SLC24A3: variants seen among roughly 807,000 people sequenced by gnomAD.
SLC24A3 encodes sodium/potassium/calcium exchanger 3.
A neutral mutation model predicts 75.8 loss-of-function variants in SLC24A3; 28 were observed. That is an observed-to-expected ratio of 0.37 (90% CI 0.27 to 0.51). The LOEUF (loss-of-function observed/expected upper bound fraction) is 0.51, where lower values mean the gene tolerates loss of function less well. Among genes scored for constraint, SLC24A3 ranks in the 20% least tolerant of loss-of-function variants. The probability of loss-of-function intolerance (pLI) is 0.94; values close to 1 mark genes in which losing one functional copy is unlikely to be tolerated. For missense variants in SLC24A3, 663 were observed against 847.8 expected, an observed-to-expected ratio of 0.78 and a Z score of 2.71; for synonymous variants, 372 against 334.1, an observed-to-expected ratio of 1.11 and a Z score of -1.24.
chr20:19,714,228 T>G (rs569826028), intron 15 of SLC24A3, among the ~76,000 whole-genome samples: 11 of 151,852 alleles, frequency 7.2e-5, no homozygotes, highest in African/African-American at 2.2e-4. Context: ...CATAGCAAGA[T>G]CCTATCTTTA....
chr20:19,475,059 C>T (rs61418029), intron 2 of SLC24A3, among the ~76,000 whole-genome samples: 3,466 of 152,288 alleles, frequency 0.023, 149 homozygotes, highest in African/African-American at 0.077. Context: ...CACATCCAGG[C>T]TGGGCGCGGT....
rs549659599 is a variant in SLC24A3, at chr20:19,346,453, A to G, written c.271+65366A>G. Among the ~76,000 whole-genome samples the G allele has an allele frequency of 2.7e-5, 4 of 150,176 alleles. No individual in the cohort carries two copies. The South Asian group carries it at 8.4e-4, about 32-fold the overall frequency. ...TATATGGTGTATATATACACACACC[A>G]TATACCATGGAATACTACTCAGCCA... On this transcript the variant is annotated intron_variant, in intron 2 of 16. Transcript: ENST00000328041.
intron 2 of SLC24A3, among the ~76,000 whole-genome samples, chr20:19,323,523 C>T (rs1212119397): frequency 6.6e-6 from 1 of 152,128 alleles, no homozygotes; most frequent in Non-Finnish European, 1.5e-5. Flanking sequence ...GGAATAAGGC[C>T]TTGTGGAGCA....
chr20:19,399,439 T>C (rs1372318697), intron 2 of SLC24A3, among the ~76,000 whole-genome samples: 1 of 152,208 alleles, frequency 6.6e-6, no homozygotes, highest in Non-Finnish European at 1.5e-5. Flanking sequence ...TGATATGGTA[T>C]GTTTTTATTT....
intron 2 of SLC24A3, among the ~76,000 whole-genome samples, chr20:19,461,248 G>A (rs1160145474): frequency 6.6e-6 from 1 of 152,042 alleles, no homozygotes; most frequent in Non-Finnish European, 1.5e-5. Context: ...AGATGGTCTT[G>A]GATAAGTCCC....
At position 19,221,846 on chromosome 20, in the gene SLC24A3, A is replaced by G. The variant is rs1361608902; in HGVS notation, c.142+8862A>G. Among the ~76,000 whole-genome samples, 6 of 152,096 alleles carry G rather than the reference A, an allele frequency of 3.9e-5. No homozygotes were observed. The East Asian group carries it at 1.2e-3, about 29-fold the overall frequency. On this transcript the variant is annotated intron_variant, in intron 1 of 16. Transcript: ENST00000328041. ...ATATGACTGGCGTGGGTCTGTTTTC[A>G]TTCATTTTCTTGGATCTTTCACCAG...
chr20:19,599,291 C>T (rs1204026257), intron 6 of SLC24A3, among the ~76,000 whole-genome samples: 1 of 152,216 alleles, frequency 6.6e-6, no homozygotes, highest in East Asian at 1.9e-4. Flanking sequence ...GGCTGTAGAA[C>T]ATGTCTCACA....
chr20:19,570,524 T>A (rs1237690656), intron 3 of SLC24A3, among the ~76,000 whole-genome samples: 1 of 152,154 alleles, frequency 6.6e-6, no homozygotes, highest in African/African-American at 2.4e-5. Context: ...ATAGATCTTC[T>A]GGAGTGATGC....
intron 2 of SLC24A3, among the ~76,000 whole-genome samples, chr20:19,434,934 G>A (rs980388947): frequency 3.9e-5 from 6 of 152,130 alleles, no homozygotes; most frequent in African/African-American, 1.2e-4. Flanking sequence ...AGTTATCTTG[G>A]CAACAGCCAA....
At chr20:19,227,912 C>T (rs1353549771) in intron 1 of SLC24A3, among the ~76,000 whole-genome samples, 2 of 152,094 alleles carry the variant, frequency 1.3e-5, no homozygotes, top group East Asian at 3.8e-4. Flanking sequence ...TTTGATAAAT[C>T]TATAAATAAT....
At chr20:19,255,098 G>C (rs1038277987) in intron 1 of SLC24A3, among the ~76,000 whole-genome samples, 2 of 152,208 alleles carry the variant, frequency 1.3e-5, no homozygotes, top group African/African-American at 2.4e-5. Flanking sequence ...TTATTTATAA[G>C]GGATAGAAGT....
chr20:19,307,173 C>T (rs1038982333), intron 2 of SLC24A3, among the ~76,000 whole-genome samples: 26 of 152,186 alleles, frequency 1.7e-4, no homozygotes, highest in African/African-American at 4.8e-4. Flanking sequence ...CCTCTCATCT[C>T]AAAATGGGGA....
chr20:19,299,926 C>T (rs1041862864), intron 2 of SLC24A3, among the ~76,000 whole-genome samples: 7 of 152,286 alleles, frequency 4.6e-5, no homozygotes, highest in Non-Finnish European at 7.4e-5. Context: ...AAGCCAGGAA[C>T]GCTGTGGCCC....
intron 16 of SLC24A3, among the ~76,000 whole-genome samples, chr20:19,720,002 G>A (rs1256843310): frequency 6.6e-6 from 1 of 152,060 alleles, no homozygotes; most frequent in Non-Finnish European, 1.5e-5. Context: ...GGAATCAGGC[G>A]GAGTAAGCTA....
chr20:19,455,688 C>T (rs1216377464), intron 2 of SLC24A3, among the ~76,000 whole-genome samples: 2 of 152,218 alleles, frequency 1.3e-5, no homozygotes, highest in Non-Finnish European at 2.9e-5. Flanking sequence ...GAGGATCAAG[C>T]CCTAGCTGAT....
chr20:19,689,534 C>A (rs895508234), intron 12 of SLC24A3, among the ~76,000 whole-genome samples: 1 of 152,174 alleles, frequency 6.6e-6, no homozygotes, highest in Non-Finnish European at 1.5e-5. Context: ...GCTGTACCCC[C>A]AGGACCTGCA....
chr20:19,391,327 T>C (rs1986361438), intron 2 of SLC24A3, among the ~76,000 whole-genome samples: 1 of 152,160 alleles, frequency 6.6e-6, no homozygotes, highest in Non-Finnish European at 1.5e-5. Context: ...TATGGGTGAA[T>C]GAATGTATCT....
At chr20:19,295,586 G>T (rs1984038534) in intron 2 of SLC24A3, among the ~76,000 whole-genome samples, 1 of 152,128 alleles carries the variant, frequency 6.6e-6, no homozygotes, top group Admixed American at 6.5e-5. Flanking sequence ...TTTATTGAAG[G>T]TCTTTTCTGT....
intron 2 of SLC24A3, among the ~76,000 whole-genome samples, chr20:19,484,156 A>G (rs1300960569): frequency 1.3e-5 from 2 of 152,196 alleles, no homozygotes; most frequent in Non-Finnish European, 2.9e-5. Context: ...ACTTAGGACC[A>G]GAAGTATTTT....
Sources: gnomAD v4.1 joint callset for allele counts (sites outside exome capture counted in the v4.1 genomes callset) on GRCh38, gnomAD v4.1.1 for gene constraint, MANE v1.5 for transcripts, NCBI Gene and HGNC (gene_info 2026-07-23, HGNC 2026-07-21) for gene names.